Variants in RPGRIP1L observed in about 807,000 individuals in gnomAD.
The protein encoded by RPGRIP1L is protein fantom.
Under a neutral mutation model 160.4 loss-of-function variants are expected in RPGRIP1L, and 131 were observed. The ratio of observed to expected loss-of-function variants is 0.82; its 90% CI spans 0.71 to 0.94. The LOEUF (loss-of-function observed/expected upper bound fraction) is 0.94. Among genes scored for constraint, RPGRIP1L ranks in the 40% least tolerant of loss-of-function variants. The pLI is 0.00. For synonymous variants in RPGRIP1L, 510 were observed against 515.8 expected (o/e 0.99, Z 0.15); for missense variants, 1,522 against 1,535.8 (o/e 0.99, Z 0.15).
intron 7 of RPGRIP1L, 129 bp from the exon 8 acceptor site, chr16:53,673,145 A>AT: frequency 2.3e-6 from 2 of 869,750 alleles, no homozygotes; most frequent in South Asian, 1.6e-5. Context: ...TATACAGATT[A>AT]TTTTTTACAT....
intron 5 of RPGRIP1L, 143 bp from the exon 6 acceptor site, chr16:53,686,719 A>T (rs1190266681): frequency 1.4e-6 from 1 of 715,088 alleles, no homozygotes; most frequent in East Asian, 2.6e-5. Context: ...ACAGTGAAAT[A>T]GTAGCAGATT....
intron 6 of RPGRIP1L, among the ~76,000 whole-genome samples, chr16:53,685,048 G>A (rs1969896917): frequency 6.6e-6 from 1 of 151,916 alleles, no homozygotes; most frequent in African/African-American, 2.4e-5. Context: ...ATTACAAAGT[G>A]GGCAAAGGAC....
At chr16:53,660,220 C>T (rs1045113761) in intron 10 of RPGRIP1L, among the ~76,000 whole-genome samples, 2 of 152,098 alleles carry the variant, frequency 1.3e-5, no homozygotes, top group Admixed American at 6.6e-5. Flanking sequence ...TTTGTTGACT[C>T]CCTGTGGACT....
chr16:53,632,116 C>G (rs548176621), intron 22 of RPGRIP1L, among the ~76,000 whole-genome samples: 1 of 152,100 alleles, frequency 6.6e-6, no homozygotes, highest in Non-Finnish European at 1.5e-5. Flanking sequence ...CCAAGTAATA[C>G]GTAGAAGTAC....
At chr16:53,648,622 G>C (rs111971232) in intron 16 of RPGRIP1L, among the ~76,000 whole-genome samples, 1,521 of 102,214 alleles carry the variant, frequency 0.015, 17 homozygotes, top group Middle Eastern at 0.079. Context: ...GTGCGCGCGC[G>C]CGCGCACACA....
intron 8 of RPGRIP1L, among the ~76,000 whole-genome samples, chr16:53,672,534 T>C (rs1968820941): frequency 6.6e-6 from 1 of 152,212 alleles, no homozygotes; most frequent in Admixed American, 6.5e-5. Flanking sequence ...AGTCCTGTTA[T>C]TTTGTTTCAG....
intron 26 of RPGRIP1L, among the ~76,000 whole-genome samples, chr16:53,604,940 G>A (rs115923304): frequency 0.014 from 2,085 of 152,250 alleles, 56 homozygotes; most frequent in African/African-American, 0.048. Flanking sequence ...CATTTTGGGA[G>A]GCCTAGGTGG....
At chr16:53,659,240 G>T in intron 10 of RPGRIP1L, 1 of 944,556 alleles carries the variant, frequency 1.1e-6, no homozygotes, top group Non-Finnish European at 1.3e-6. Flanking sequence ...AAAAGCATGT[G>T]GAAAAAAAAT....
chr16:53,625,425 G>C (rs535515172), intron 22 of RPGRIP1L, among the ~76,000 whole-genome samples: 50 of 149,530 alleles, frequency 3.3e-4, no homozygotes, highest in Middle Eastern at 3.4e-3. Context: ...GCCCCGTCTG[G>C]GGGGTGGGGT....
chr16:53,602,571 T>A (rs2150910661), intron 26 of RPGRIP1L, among the ~76,000 whole-genome samples: 1 of 151,868 alleles, frequency 6.6e-6, no homozygotes, highest in East Asian at 1.9e-4. Flanking sequence ...AGGTTGAGAG[T>A]TTGAAACTAG....
intron 6 of RPGRIP1L, among the ~76,000 whole-genome samples, chr16:53,684,691 T>C (rs1217325981): frequency 6.6e-6 from 1 of 151,314 alleles, no homozygotes; most frequent in Non-Finnish European, 1.5e-5. Flanking sequence ...ATGTATACAA[T>C]GTAACAAACC....
At chr16:53,624,054 G>A (rs1014605205) in intron 22 of RPGRIP1L, among the ~76,000 whole-genome samples, 1 of 152,138 alleles carries the variant, frequency 6.6e-6, no homozygotes, top group Non-Finnish European at 1.5e-5. Context: ...AACATACCCA[G>A]ATATTTTTTA....
Position 53,606,009 on chromosome 16 carries a change from G to A in RPGRIP1L, c.3702-395C>T, listed in dbSNP as rs144437205. ...AATGGTCAGCATTTTCCATAGAAAC[G>A]TAACATTTCCTATAGAAACACACAA... On this transcript the variant is annotated intron_variant, in intron 25 of 26. Transcript: ENST00000647211. 2.0e-4 allele frequency among the ~76,000 whole-genome samples: 31 copies of A among 152,250 alleles called. No individual in the cohort carries two copies. In the East Asian group the frequency reaches 5.8e-3, roughly 28 times the overall value.
chr16:53,636,594 C>G (rs1428383634), intron 21 of RPGRIP1L, 82 bp from the exon 22 acceptor site: 21 of 944,576 alleles, frequency 2.2e-5, no homozygotes, highest in Non-Finnish European at 3.3e-5. Context: ...GAAACAAGCA[C>G]ACACCATAAG....
At chr16:53,651,768 A>AG (rs1966855745) in intron 15 of RPGRIP1L, among the ~76,000 whole-genome samples, 1 of 152,104 alleles carries the variant, frequency 6.6e-6, no homozygotes. Flanking sequence ...GGTAAGCTAC[A>AG]GGGGGTAGTT....
At position 53,645,102 on chromosome 16, in the gene RPGRIP1L, C is replaced by T. The variant is rs567306175; in HGVS notation, c.2683+523G>A. ...ATTGGAATAAGAAACTGATATCAGACAGTAACTCAAGTCTACAGGAAGAAA... is the reference window on the plus strand; with the variant it reads ...ATTGGAATAAGAAACTGATATCAGATAGTAACTCAAGTCTACAGGAAGAAA... On this transcript the variant is annotated intron_variant, in intron 17 of 26. Coordinates refer to ENST00000647211, the MANE Select transcript of RPGRIP1L (RefSeq NM_015272.5). 2.2e-3 allele frequency among the ~76,000 whole-genome samples: 338 copies of T among 152,178 alleles called. 2 individuals are homozygous for T. Among genetic ancestry groups the T allele is most frequent in the African/African-American group, 7.8e-3 (324 of 41,546 alleles).
chr16:53,654,046 C>G (rs567317394), intron 14 of RPGRIP1L, among the ~76,000 whole-genome samples: 54 of 152,158 alleles, frequency 3.5e-4, no homozygotes, highest in Non-Finnish European at 6.9e-4. Context: ...TCACTGCAAC[C>G]TCTGCTTCCC....
At chr16:53,658,913 G>T in intron 10 of RPGRIP1L, 35 bp from the exon 11 acceptor site, 2 of 1,336,308 alleles carry the variant, frequency 1.5e-6, no homozygotes, top group Non-Finnish European at 2.1e-6. Flanking sequence ...GGAAAGGTAA[G>T]TAAAAATCAG....
At chr16:53,702,687 C>CTTTTT (rs576871805) in intron 1 of RPGRIP1L, among the ~76,000 whole-genome samples, 4 of 141,646 alleles carry the variant, frequency 2.8e-5, no homozygotes, top group Non-Finnish European at 3.1e-5. Context: ...CTTTTCTTTT[C>CTTTTT]TTTTTTTTTT....
Sources: gnomAD v4.1 joint callset for allele counts (sites outside exome capture counted in the v4.1 genomes callset) on GRCh38, gnomAD v4.1.1 for gene constraint, MANE v1.5 for transcripts, NCBI Gene and HGNC (gene_info 2026-07-23, HGNC 2026-07-21) for gene names.